Variants in INHBC observed in about 807,000 individuals in gnomAD.
INHBC encodes inhibin subunit beta C.
Under a neutral mutation model 12.4 loss-of-function variants are expected in INHBC, and 10 were observed. The observed-to-expected ratio is 0.81, with a 90% CI of 0.50 to 1.37. INHBC has a LOEUF of 1.37. Among genes scored for constraint, INHBC ranks in the 40% most tolerant of loss-of-function variants. INHBC has a pLI of 0.00. For missense variants in INHBC, 382 were observed against 439.4 expected (o/e 0.87, Z 1.17); for synonymous variants, 147 against 171.6 (o/e 0.86, Z 1.12).
intron 1 of INHBC, among the ~76,000 whole-genome samples, chr12:57,437,206 C>T (rs1209386352): frequency 6.6e-6 from 1 of 152,130 alleles, no homozygotes; most frequent in African/African-American, 2.4e-5. Flanking sequence ...CTGTTTGCAC[C>T]ACTGCCCTCC....
chr12:57,446,079 C>T (rs1013143945), intron 1 of INHBC, among the ~76,000 whole-genome samples: 3 of 151,930 alleles, frequency 2.0e-5, no homozygotes, highest in Non-Finnish European at 2.9e-5. Context: ...GGATTACAGG[C>T]ATGTGCCAAC....
At chr12:57,448,710 GCCAGCAAAGAAAA>G (rs1304885752) in intron 1 of INHBC, among the ~76,000 whole-genome samples, 1 of 152,120 alleles carries the variant, frequency 6.6e-6, no homozygotes, top group Non-Finnish European at 1.5e-5. Flanking sequence ...AGAAAGAAAA[GCCAGCAAAGAAAA>G]CCAGGAAGAA....
Position 57,434,979 on chromosome 12 carries a change from G to A in INHBC, c.93G>A (p.Gly31=), listed in dbSNP as rs773659930. 6 of 1,614,166 alleles carry A rather than the reference G, an allele frequency of 3.7e-6. No homozygotes were observed. In the Admixed American group the frequency reaches 8.3e-5, roughly 22 times the overall value. The change falls in exon 1 of 2, where the codon GGG becomes GGA. Residue 31 remains glycine (G), a synonymous_variant. Coordinates refer to ENST00000309668, the MANE Select transcript of INHBC (RefSeq NM_005538.4). ...RAGGQCPACG[G]PTLELESQRE... The stretch of plus-strand genomic sequence containing the variant: ...GCGGTCAGTGTCCAGCATGTGGGGG[G>A]CCCACCTTGGAACTGGAGAGCCAGC...
Position 57,449,295 on chromosome 12 carries a change from A to G in INHBC, c.332A>G (p.Gln111Arg). Reference protein sequence around the residue: ...FAETGLSTINQTRLDFHFSSD... With the variant: ...FAETGLSTINRTRLDFHFSSD... ...TCCACAGGCCTCTCCACCATCAACCAGACTCGTCTTGATTTTCACTTCTCC... is the reference window on the plus strand; with the variant it reads ...TCCACAGGCCTCTCCACCATCAACCGGACTCGTCTTGATTTTCACTTCTCC... The change falls in exon 2 of 2, where the codon CAG (glutamine) becomes CGG (arginine). Residue 111 changes from glutamine (Q) to arginine (R), a missense_variant. Coordinates refer to ENST00000309668, the MANE Select transcript of INHBC (RefSeq NM_005538.4). 1.9e-6 allele frequency: 3 copies of G among 1,613,620 alleles called. No homozygotes were observed. The highest frequency in any genetic ancestry group is 2.5e-6 in the Non-Finnish European group (3 of 1,179,706).
In INHBC at chr12:57,449,649, G is replaced by A. The variant is rs1464302882; in HGVS notation, c.686G>A (p.Gly229Asp). ...PFVAARVRVG[G>D]KHQIHRRGID... is the part of the protein sequence containing the mutation. ...GTGGCAGCCCGGGTGAGAGTTGGGGGCAAACACCAGATTCACCGACGAGGC... is the reference window on the plus strand; with the variant it reads ...GTGGCAGCCCGGGTGAGAGTTGGGGACAAACACCAGATTCACCGACGAGGC... The change falls in exon 2 of 2, where the codon GGC (glycine) becomes GAC (aspartate). Residue 229 changes from glycine to aspartate, a missense_variant. Coordinates refer to ENST00000309668, the MANE Select transcript of INHBC (RefSeq NM_005538.4). 9 of 1,614,106 alleles carry A rather than the reference G, an allele frequency of 5.6e-6. No homozygotes were observed. The highest frequency in any genetic ancestry group is 6.8e-6 in the Non-Finnish European group (8 of 1,180,052).
At chr12:57,445,966 G>A (rs1021778306) in intron 1 of INHBC, among the ~76,000 whole-genome samples, 2 of 151,350 alleles carry the variant, frequency 1.3e-5, no homozygotes, top group Admixed American at 6.6e-5. Context: ...ACAGAGTCTC[G>A]CTGTGTTGCC....
intron 1 of INHBC, among the ~76,000 whole-genome samples, chr12:57,442,978 T>G (rs189666674): frequency 7.1e-6 from 1 of 141,700 alleles, no homozygotes; most frequent in Admixed American, 7.4e-5. Context: ...GCGACAAGAG[T>G]GAGACTCCGT....
At position 57,451,750 on chromosome 12, in the gene INHBC, G is replaced by A. The variant is rs2139837569; in HGVS notation, c.*1728G>A. ...TTGAGGGCTTCCTGAGCAACCCATG[G>A]AAGTTATCCCACCTTTGACTTGAGG... is the stretch of plus-strand genomic sequence containing the variant. On this transcript the variant is annotated 3_prime_UTR_variant, in exon 2 of 2. Transcript: ENST00000309668. 1 of 431,426 alleles carries A rather than the reference G, an allele frequency of 2.3e-6. No individual in the cohort carries two copies. Among genetic ancestry groups the A allele is most frequent in the East Asian group, 7.1e-5 (1 of 14,130 alleles). The allele number at this position is 431,426 out of a possible 1,614,324, so 26.7% of individuals were successfully genotyped here.
Position 57,438,308 on chromosome 12 carries a change from G to A in INHBC, c.313+3109G>A, listed in dbSNP as rs572091519. On this transcript the variant is annotated intron_variant, in intron 1 of 1. Coordinates refer to ENST00000309668, the MANE Select transcript of INHBC (RefSeq NM_005538.4). ...GAACTAGAGAGTAGACTTAGTGCCT[G>A]CCCATGGAGGAAAGGGACAAGGCAA... Among the ~76,000 whole-genome samples the A allele has an allele frequency of 3.9e-5, 6 of 152,298 alleles. No homozygotes were observed. In the South Asian group the frequency reaches 1.2e-3, roughly 32 times the overall value.
At chr12:57,446,651 C>T (rs753775708) in intron 1 of INHBC, among the ~76,000 whole-genome samples, 35 of 151,848 alleles carry the variant, frequency 2.3e-4, no homozygotes, top group East Asian at 5.8e-4. Context: ...TACACTAGTA[C>T]GCCTGGGTAA....
chr12:57,449,461 T>C lies in INHBC; in HGVS notation c.498T>C (p.Thr166=), dbSNP rs952505579. 1 of 1,614,172 alleles carries C rather than the reference T, an allele frequency of 6.2e-7. No individual in the cohort carries two copies. The highest frequency in any genetic ancestry group is 8.5e-7 in the Non-Finnish European group (1 of 1,180,018). The change falls in exon 2 of 2, where the codon ACT becomes ACC. Residue 166 remains threonine (T), a synonymous_variant. Transcript: ENST00000309668. ...GPHNTNLTLA[T]QYLLEVDASG... ...ATAATACCAACCTCACCTTGGCTAC[T>C]CAGTACCTGCTGGAGGTGGATGCCA...
intron 1 of INHBC, among the ~76,000 whole-genome samples, chr12:57,436,758 C>A (rs1445691853): frequency 2.6e-5 from 4 of 151,878 alleles, no homozygotes; most frequent in Non-Finnish European, 5.9e-5. Context: ...GCTCCACCTC[C>A]TGGGTTCACG....
rs869208182 is a variant in INHBC, at chr12:57,447,862, C to CAAAA, written c.314-1387_314-1384dup. On this transcript the variant is annotated intron_variant, in intron 1 of 1. Coordinates refer to ENST00000309668, the MANE Select transcript of INHBC (RefSeq NM_005538.4). The stretch of plus-strand genomic sequence containing the variant: ...GGGCAACAGGAACAAAACTCCGTCT[C>CAAAA]AAAAAAAAAAAAAAAAAAAAAAAAA... Among the ~76,000 whole-genome samples the CAAAA allele has an allele frequency of 3.4e-3, 18 of 5,244 alleles. 5 individuals are homozygous for CAAAA. Among genetic ancestry groups the CAAAA allele is most frequent in the Admixed American group, 8.9e-3 (2 of 224 alleles). 3.4% of individuals were successfully genotyped at this position (5,244 alleles called of 152,430 possible).
chr12:57,449,193 A>C (rs1281287262), intron 1 of INHBC, 84 bp from the exon 2 acceptor site: 1 of 1,501,042 alleles, frequency 6.7e-7, no homozygotes, highest in East Asian at 2.3e-5. Flanking sequence ...GCTATAGACA[A>C]CTCAAGAATG....
Position 57,451,928 on chromosome 12 carries a change from AT to A in INHBC, c.*1910del. The A allele has an allele frequency of 2.3e-6, 1 of 434,598 alleles. No homozygotes were observed. The highest frequency in any genetic ancestry group is 4.5e-6 in the Non-Finnish European group (1 of 219,784). 26.9% of individuals were successfully genotyped at this position (434,598 alleles called of 1,614,324 possible). ...TGAGTCATTCACCTGGGGGGGCTAA[AT>A]TTTAAGGGGGTGGTGAACAATTTAT... On this transcript the variant is annotated 3_prime_UTR_variant, in exon 2 of 2. Coordinates refer to ENST00000309668, the MANE Select transcript of INHBC (RefSeq NM_005538.4).
chr12:57,442,677 C>T (rs770326962), intron 1 of INHBC, among the ~76,000 whole-genome samples: 3 of 152,000 alleles, frequency 2.0e-5, no homozygotes, highest in Non-Finnish European at 4.4e-5. Flanking sequence ...ATCTTATTGG[C>T]TCTGAGAGCT....
intron 1 of INHBC, among the ~76,000 whole-genome samples, chr12:57,447,785 C>CTG (rs1870611562): frequency 7.5e-6 from 1 of 133,474 alleles, no homozygotes; most frequent in Non-Finnish European, 1.6e-5. Context: ...TTGCTTGAAC[C>CTG]CGAGAGGCAG....
intron 1 of INHBC, among the ~76,000 whole-genome samples, chr12:57,442,157 T>C (rs1416696618): frequency 6.6e-6 from 1 of 152,222 alleles, no homozygotes; most frequent in Non-Finnish European, 1.5e-5. Flanking sequence ...TTTAGTAGTC[T>C]AGCTCAACTT....
chr12:57,449,548 G>C lies in INHBC; in HGVS notation c.585G>C (p.Leu195=). The change falls in exon 2 of 2, where the codon CTG becomes CTC. Residue 195 remains leucine, a synonymous_variant. Coordinates refer to ENST00000309668, the MANE Select transcript of INHBC (RefSeq NM_005538.4). The stretch of plus-strand genomic sequence containing the variant: ...AAGCTGCCTGCAGCCAGGGGCACCT[G>C]ACCCTGGAGCTGGTACTTGAAGGCC... ...EAQAACSQGH[L]TLELVLEGQV... 6.2e-7 allele frequency: 1 copy of C among 1,614,228 alleles called. No individual in the cohort carries two copies.
Sources: allele counts gnomAD v4.1 joint callset (sites outside exome capture counted in the v4.1 genomes callset), GRCh38; gene constraint gnomAD v4.1.1; transcripts MANE v1.5; gene names NCBI Gene and HGNC (gene_info 2026-07-23, HGNC 2026-07-21).